GARIN4: variants seen among roughly 807,000 people sequenced by gnomAD.
GARIN4 encodes the protein golgi associated RAB2 interactor family member 4.
chr1:212,625,485 G>C, the GARIN4 span: 1 of 1,614,216 alleles, frequency 6.2e-7, no homozygotes, highest in Non-Finnish European at 8.5e-7. Context: ...GAAGACAGGA[G>C]GAGCCTGGGA....
At chr1:212,625,150 G>A in the GARIN4 span, 86 of 1,614,092 alleles carry the variant, frequency 5.3e-5, no homozygotes, top group East Asian at 1.8e-3. Context: ...TGGCACGACC[G>A]GCCACCGGCT....
At chr1:212,626,240 G>T in the GARIN4 span, 2 of 1,614,198 alleles carry the variant, frequency 1.2e-6, no homozygotes, top group Non-Finnish European at 1.7e-6. Context: ...AGACAAGATT[G>T]CCCAAAAGTC....
the GARIN4 span, chr1:212,626,070 G>T: frequency 6.2e-7 from 1 of 1,614,180 alleles, no homozygotes; most frequent in Non-Finnish European, 8.5e-7. Context: ...GTCTCCACCC[G>T]GCAGAGCAAG....
chr1:212,626,374 A>G, the GARIN4 span: 1 of 1,614,214 alleles, frequency 6.2e-7, no homozygotes, highest in Middle Eastern at 1.6e-4. Context: ...CGCCCATCTC[A>G]AAGGAGTCCA....
chr1:212,626,669 C>T, the GARIN4 span: 4 of 1,581,796 alleles, frequency 2.5e-6, no homozygotes, highest in South Asian at 3.5e-5. Context: ...TTAAATAAGA[C>T]CCAGAGCTGG....
the GARIN4 span, chr1:212,625,046 G>T: frequency 6.2e-7 from 1 of 1,614,130 alleles, no homozygotes; most frequent in South Asian, 1.1e-5. Flanking sequence ...CACCAAAAGG[G>T]GAGAAGTGAT....
the GARIN4 span, chr1:212,626,090 A>C: frequency 6.2e-7 from 1 of 1,614,136 alleles, no homozygotes; most frequent in African/African-American, 1.3e-5. Flanking sequence ...GAGCAGCCTG[A>C]GTGGACAGCA....
the GARIN4 span, chr1:212,625,057 T>G: frequency 1.2e-6 from 2 of 1,614,102 alleles, no homozygotes; most frequent in Non-Finnish European, 1.7e-6. Context: ...GAGAAGTGAT[T>G]GATGTGCACA....
the GARIN4 span, chr1:212,624,951 TG>T: frequency 6.2e-7 from 1 of 1,613,932 alleles, no homozygotes; most frequent in Non-Finnish European, 8.5e-7. Context: ...AACACCACCA[TG>T]GGGAAACTGC....
the GARIN4 span, chr1:212,624,896 C>G: frequency 6.3e-7 from 1 of 1,589,134 alleles, no homozygotes; most frequent in Non-Finnish European, 8.6e-7. Context: ...TGATTTTCTG[C>G]TGCCGTATTA....
chr1:212,626,207 G>A, the GARIN4 span: 1 of 1,614,032 alleles, frequency 6.2e-7, no homozygotes, highest in Non-Finnish European at 8.5e-7. Context: ...CAGGACAGGT[G>A]AAAGCCGCCA....
At chr1:212,625,989 C>G in the GARIN4 span, 2 of 1,614,190 alleles carry the variant, frequency 1.2e-6, no homozygotes, top group Non-Finnish European at 1.7e-6. Flanking sequence ...GTGAGCCTGG[C>G]CATTGCAGGA....
At chr1:212,624,996 T>C in the GARIN4 span, 1 of 1,614,062 alleles carries the variant, frequency 6.2e-7, no homozygotes. Context: ...TACGATATAT[T>C]CAAGTATGCA....
At chr1:212,625,229 C>T in the GARIN4 span, 1 of 1,614,136 alleles carries the variant, frequency 6.2e-7, no homozygotes, top group South Asian at 1.1e-5. Context: ...GAACTTAGAG[C>T]TCACCAGGCT....
chr1:212,625,943 T>C, the GARIN4 span: 1 of 1,614,220 alleles, frequency 6.2e-7, no homozygotes, highest in Non-Finnish European at 8.5e-7. Flanking sequence ...AGAGCATGTT[T>C]CCAGCGCATC....
the GARIN4 span, chr1:212,626,448 G>T: frequency 6.2e-7 from 1 of 1,614,202 alleles, no homozygotes; most frequent in Non-Finnish European, 8.5e-7. Context: ...AAGGGACTTG[G>T]CAGGGTCAGC....
At chr1:212,626,335 C>G in the GARIN4 span, 4 of 1,614,082 alleles carry the variant, frequency 2.5e-6, no homozygotes, top group African/African-American at 5.3e-5. Flanking sequence ...GCAGCAGGCA[C>G]AGGGACTCGC....
the GARIN4 span, chr1:212,625,537 C>T: frequency 6.8e-6 from 11 of 1,614,120 alleles, no homozygotes; most frequent in East Asian, 4.5e-5. Flanking sequence ...ACCAGGTCAG[C>T]ATCCAAAGCC....
the GARIN4 span, chr1:212,625,540 C>G: frequency 6.2e-7 from 1 of 1,614,104 alleles, no homozygotes; most frequent in African/African-American, 1.3e-5. Context: ...AGGTCAGCAT[C>G]CAAAGCCTCC....
Sources: gnomAD v4.1 joint callset for allele counts on GRCh38, gnomAD v4.1.1 for gene constraint, MANE v1.5 for transcripts, NCBI Gene and HGNC (gene_info 2026-07-23, HGNC 2026-07-21) for gene names.